The following ANO7 variants were observed in gnomAD, a reference collection of about 807,000 sequenced individuals.
ANO7 encodes the protein anoctamin 7.
ANO7 carries 114 observed loss-of-function variants against 115.8 expected under a neutral mutation model. That is an observed-to-expected ratio of 0.98 (90% CI 0.85 to 1.15). The LOEUF is 1.15. ANO7 is among the 50% of genes most tolerant of loss of function. ANO7 has a pLI of 0.00. For missense variants in ANO7, 1,302 were observed against 1,201.2 expected (o/e 1.08, Z -1.24); for synonymous variants, 550 against 498.2 (o/e 1.10, Z -1.38).
In ANO7 at chr2:241,215,009, G is replaced by A. The variant is rs887718421; in HGVS notation, c.1826+107G>A. On this transcript the variant is annotated intron_variant, in intron 18 of 24. Transcript: ENST00000674324. ...CCCTAGCTGGGAGAAGAGGTGAAGG[G>A]AAGGCACCTTGCCTGGGGAGGGGGA... The A allele has an allele frequency of 2.6e-5, 27 of 1,054,048 alleles. No homozygotes were observed. The East Asian group carries it at 6.1e-4, about 24-fold the overall frequency. 65.3% of individuals were successfully genotyped at this position (1,054,048 alleles called of 1,614,324 possible).
chr2:241,204,535 C>A (rs1262489021), intron 9 of ANO7, among the ~76,000 whole-genome samples: 2 of 152,126 alleles, frequency 1.3e-5, no homozygotes, highest in Admixed American at 1.3e-4. Context: ...AGAGGGACTT[C>A]TCTGTCCGTC....
At chr2:241,231,392 A>G in the ANO7 span, 2 of 152,868 alleles carry the variant, frequency 1.3e-5, no homozygotes, top group South Asian at 4.1e-4. Flanking sequence ...TCAAAAAAAA[A>G]AAAACAAAAA....
chr2:241,191,323 A>G (rs1486200873), intron 3 of ANO7, 72 bp downstream of exon 3: 1 of 1,576,452 alleles, frequency 6.3e-7, no homozygotes, highest in East Asian at 2.3e-5. Flanking sequence ...GGGTGCCCCC[A>G]GGGGCAGCAG....
chr2:241,227,291 T>C (rs2149289151), downstream of ANO7: 1 of 152,630 alleles, frequency 6.6e-6, no homozygotes, highest in South Asian at 2.1e-4. Flanking sequence ...GCATGCTACA[T>C]CTGGTTTCGG....
intron 23 of ANO7, 55 bp from the exon 24 acceptor site, chr2:241,223,850 C>T: frequency 6.2e-7 from 1 of 1,614,016 alleles, no homozygotes; most frequent in East Asian, 2.2e-5. Context: ...GGCTGCTCTA[C>T]CTCCGGACAC....
At chr2:241,221,421 C>T (rs1242081547) in intron 21 of ANO7, among the ~76,000 whole-genome samples, 2 of 152,056 alleles carry the variant, frequency 1.3e-5, no homozygotes, top group African/African-American at 4.8e-5. Flanking sequence ...CTCTGTCACC[C>T]AGGCTGGAGT....
At chr2:241,210,872 G>A (rs972560593) in intron 15 of ANO7, among the ~76,000 whole-genome samples, 4 of 148,680 alleles carry the variant, frequency 2.7e-5, no homozygotes, top group South Asian at 2.1e-4. Flanking sequence ...GTCTCACTGT[G>A]TGGCTCAGGC....
rs199713741 is a variant in ANO7 at position 241,223,792 on chromosome 2, C to T, written c.2532+11C>T. The T allele has an allele frequency of 6.2e-7, 1 of 1,614,236 alleles. No homozygotes were observed. Among genetic ancestry groups the T allele is most frequent in the East Asian group, 2.2e-5 (1 of 44,886 alleles). On this transcript the variant is annotated intron_variant, in intron 23 of 24. Coordinates refer to ENST00000674324, the MANE Select transcript of ANO7 (RefSeq NM_001370694.2). ...CTGGCTGAGAATGAGGTGAACTGTACAGCCCAGTCTCGGCCCTCCCCCCAG... is the reference window on the plus strand; with the variant it reads ...CTGGCTGAGAATGAGGTGAACTGTATAGCCCAGTCTCGGCCCTCCCCCCAG...
At chr2:241,233,361 G>A in the ANO7 span, among the ~76,000 whole-genome samples, 6 of 152,296 alleles carry the variant, frequency 3.9e-5, no homozygotes, top group East Asian at 7.7e-4. The surrounding 1 kb of genome is among the most constrained non-coding windows in gnomAD (Gnocchi z 4.3). Context: ...CTGCAATTTG[G>A]AGGAAGTAAC....
downstream of ANO7, among the ~76,000 whole-genome samples, chr2:241,227,011 CTG>C (rs2069204057): frequency 3.3e-5 from 5 of 152,190 alleles, no homozygotes; most frequent in South Asian, 1.0e-3. Context: ...GTGGCAGGTG[CTG>C]CTCCACAAGG....
At chr2:241,215,942 G>A (rs570475162) in intron 18 of ANO7, 151 bp from the exon 19 acceptor site, 192 of 945,426 alleles carry the variant, frequency 2.0e-4, no homozygotes, top group Middle Eastern at 3.3e-4. Context: ...CTCTCACTGC[G>A]TCCACCCCTC....
chr2:241,209,109 A>G (rs972879330), intron 11 of ANO7, among the ~76,000 whole-genome samples, 176 bp from the exon 12 acceptor site: 1 of 152,230 alleles, frequency 6.6e-6, no homozygotes, highest in Non-Finnish European at 1.5e-5. Flanking sequence ...AGATCGCGCC[A>G]CTGCACTCCA....
rs1469297963 is a variant in ANO7 at position 241,195,157 on chromosome 2, A to T, written c.167-546A>T. On this transcript the variant is annotated intron_variant, in intron 3 of 24. Coordinates refer to ENST00000674324, the MANE Select transcript of ANO7 (RefSeq NM_001370694.2). ...AAATGCCCATTCGCCTCACCCACCA[A>T]TGCCTCTGCTTGGGCTCTATTGCCC... 4.6e-4 allele frequency among the ~76,000 whole-genome samples: 70 copies of T among 152,024 alleles called. 1 individual carries two copies. The highest frequency in any genetic ancestry group is 4.6e-3 in the Admixed American group (70 of 15,262).
chr2:241,229,796 TC>T, downstream of ANO7: 1 of 251,656 alleles, frequency 4.0e-6, no homozygotes, highest in Non-Finnish European at 7.5e-6. Flanking sequence ...CCGCCCACCC[TC>T]CCTGGGACCC....
chr2:241,223,385 G>T (rs769776140), intron 22 of ANO7, 109 bp downstream of exon 22: 1 of 1,254,586 alleles, frequency 8.0e-7, no homozygotes, highest in Non-Finnish European at 1.2e-6. Flanking sequence ...TTCCTGCTGT[G>T]TCATCTTGGT....
At chr2:241,196,702 C>T (rs1309340627) in intron 4 of ANO7, among the ~76,000 whole-genome samples, 1 of 152,256 alleles carries the variant, frequency 6.6e-6, no homozygotes, top group Non-Finnish European at 1.5e-5. Flanking sequence ...TGACTGCTGC[C>T]CCGGGGCCCA....
At chr2:241,191,382 T>A (rs1025884862) in intron 3 of ANO7, 131 bp downstream of exon 3, 1 of 1,098,066 alleles carries the variant, frequency 9.1e-7, no homozygotes, top group African/African-American at 1.6e-5. Flanking sequence ...TGCTTGGGGA[T>A]GGGGCACTGG....
chr2:241,214,717 G>A lies in ANO7; in HGVS notation c.1729-88G>A, dbSNP rs188223845. 3.2e-6 allele frequency: 4 copies of A among 1,249,908 alleles called. No homozygotes were observed. The East Asian group carries it at 9.6e-5, about 30-fold the overall frequency. 77.4% of individuals were successfully genotyped at this position (1,249,908 alleles called of 1,614,324 possible). ...CATGTCAGGAGGGAGGTGGGGGCCG[G>A]GATGAGGGCCAGCTTTGAGACAAGA... On this transcript the variant is annotated intron_variant, in intron 17 of 24. Coordinates refer to ENST00000674324, the MANE Select transcript of ANO7 (RefSeq NM_001370694.2).
chr2:241,200,292 C>T (rs185388341), intron 6 of ANO7, 67 bp downstream of exon 6: 2 of 1,560,514 alleles, frequency 1.3e-6, no homozygotes, highest in South Asian at 1.2e-5. Flanking sequence ...AATGAGTGAG[C>T]GGAACTTGGT....
Sources: gnomAD v4.1 joint callset for allele counts (sites outside exome capture counted in the v4.1 genomes callset) on GRCh38, gnomAD v4.1.1 for gene constraint, Gnocchi (gnomAD v3.1) non-coding constraint, MANE v1.5 for transcripts, NCBI Gene and HGNC (gene_info 2026-07-23, HGNC 2026-07-21) for gene names.